CLSTN1: variants seen among roughly 807,000 people sequenced by gnomAD.
CLSTN1 encodes the protein calsyntenin-1.
CLSTN1 carries 28 observed loss-of-function variants against 108.3 expected under a neutral mutation model. That is an observed-to-expected ratio of 0.26 (90% confidence interval 0.19 to 0.35). The LOEUF is 0.35. Ranked by LOEUF, CLSTN1 falls within the 10% of genes least tolerant of loss-of-function variation. CLSTN1 has a pLI of 1.00. For missense variants in CLSTN1, 1,157 were observed against 1,302.6 expected (o/e 0.89, Z 1.72); for synonymous variants, 524 against 534.9 (o/e 0.98, Z 0.28).
intron 1 of CLSTN1, among the ~76,000 whole-genome samples, chr1:9,801,788 T>C (rs1265394743): frequency 6.6e-6 from 1 of 152,120 alleles, no homozygotes; most frequent in Non-Finnish European, 1.5e-5. Context: ...ACTCCGGAGC[T>C]CAGGTGATCC....
intron 7 of CLSTN1, among the ~76,000 whole-genome samples, chr1:9,745,765 GTT>G (rs778360021): frequency 1.2e-3 from 124 of 100,928 alleles, no homozygotes; most frequent in African/African-American, 4.4e-3. Flanking sequence ...CTGAATAGTT[GTT>G]TTTTTTTTTT....
intron 1 of CLSTN1, among the ~76,000 whole-genome samples, chr1:9,805,429 T>C (rs1654463407): frequency 6.6e-6 from 1 of 152,192 alleles, no homozygotes; most frequent in African/African-American, 2.4e-5. Flanking sequence ...GTTTTCTTCA[T>C]CTACTTCAAA....
At chr1:9,787,146 G>A (rs1274427167) in intron 1 of CLSTN1, among the ~76,000 whole-genome samples, 1 of 150,342 alleles carries the variant, frequency 6.7e-6, no homozygotes, top group East Asian at 2.0e-4. Flanking sequence ...CTAGAACTGA[G>A]AGCTAAGGAG....
chr1:9,789,951 C>G (rs1331954757), intron 1 of CLSTN1, among the ~76,000 whole-genome samples: 1 of 151,360 alleles, frequency 6.6e-6, no homozygotes, highest in Non-Finnish European at 1.5e-5. Flanking sequence ...TGCACTCCAG[C>G]CTGGGCAACA....
chr1:9,810,084 G>A (rs1445668072), intron 1 of CLSTN1, among the ~76,000 whole-genome samples: 8 of 14,970 alleles, frequency 5.3e-4, no homozygotes, highest in African/African-American at 1.5e-3. Flanking sequence ...GAGAGAGAGA[G>A]AAAGGAAGGA....
At chr1:9,765,260 T>C (rs972718349) in intron 2 of CLSTN1, among the ~76,000 whole-genome samples, 3 of 152,040 alleles carry the variant, frequency 2.0e-5, no homozygotes, top group South Asian at 4.2e-4. Context: ...GGCGGGCGCC[T>C]GCAATCCCAG....
At chr1:9,769,130 T>C (rs1199174455) in intron 2 of CLSTN1, among the ~76,000 whole-genome samples, 1 of 85,412 alleles carries the variant, frequency 1.2e-5, no homozygotes, top group African/African-American at 4.8e-5. Flanking sequence ...AGGAAGGAAA[T>C]GAGAGGGAGA....
In CLSTN1 at chr1:9,730,884, C is replaced by T. The variant is rs1650342366; in HGVS notation, c.2749-179G>A. Among the ~76,000 whole-genome samples the T allele has an allele frequency of 6.6e-6, 1 of 152,164 alleles. No homozygotes were observed. The highest frequency in any genetic ancestry group is 2.4e-5 in the African/African-American group (1 of 41,434). On this transcript the variant is annotated intron_variant, in intron 18 of 18. Transcript: ENST00000377298. This position sits in a 1 kb window ranked among gnomAD's most constrained non-coding sequence, Gnocchi z 5.6. ...TAGAAGTGAAGGGAAAACAAAGCTC[C>T]AGTCAGCACCCACGGAGTCACCCAC...
intron 11 of CLSTN1, among the ~76,000 whole-genome samples, chr1:9,737,185 C>T (rs553169853): frequency 3.7e-4 from 56 of 152,032 alleles, no homozygotes; most frequent in Middle Eastern, 3.2e-3. Flanking sequence ...AGTCACGAGG[C>T]GGCCTCCCAA....
intron 10 of CLSTN1, among the ~76,000 whole-genome samples, chr1:9,738,365 C>A (rs1650799945): frequency 6.6e-6 from 1 of 152,196 alleles, no homozygotes. Context: ...AGCCCTGCAG[C>A]CCTCCCCTCT....
chr1:9,749,701 G>A, intron 6 of CLSTN1, 55 bp from the exon 7 acceptor site: 2 of 1,611,242 alleles, frequency 1.2e-6, no homozygotes, highest in Non-Finnish European at 1.7e-6. Flanking sequence ...CACACTCTAG[G>A]TTGCTGCCGC....
At chr1:9,767,894 G>A (rs1652426685) in intron 2 of CLSTN1, among the ~76,000 whole-genome samples, 1 of 152,154 alleles carries the variant, frequency 6.6e-6, no homozygotes, top group Non-Finnish European at 1.5e-5. Flanking sequence ...AATAACAGCA[G>A]CGGCAAATAC....
In CLSTN1 at chr1:9,734,621, T is replaced by C. The variant is rs1228394217; in HGVS notation, c.2110+327A>G. 6.7e-6 allele frequency among the ~76,000 whole-genome samples: 1 copy of C among 149,214 alleles called. No homozygotes were observed. The highest frequency in any genetic ancestry group is 1.5e-5 in the Non-Finnish European group (1 of 67,480). On this transcript the variant is annotated intron_variant, in intron 14 of 18. Transcript: ENST00000377298. The surrounding 1 kb of genome is among the most constrained non-coding windows in gnomAD (Gnocchi z 4.8). Reference sequence around the variant, plus strand: ...GAGTTTCATGTGTCCTGAGCAAGAATTGTGGGGACATTGTGCCTCCATGGG... The same window carrying C: ...GAGTTTCATGTGTCCTGAGCAAGAACTGTGGGGACATTGTGCCTCCATGGG...
chr1:9,810,753 C>T (rs1172761810), intron 1 of CLSTN1, among the ~76,000 whole-genome samples: 3 of 151,712 alleles, frequency 2.0e-5, no homozygotes, highest in Admixed American at 6.6e-5. Flanking sequence ...CCAGCCTGGG[C>T]GACACAGTGA....
intron 1 of CLSTN1, among the ~76,000 whole-genome samples, chr1:9,788,883 A>AC (rs974571608): frequency 4.0e-5 from 6 of 151,338 alleles, no homozygotes; most frequent in Middle Eastern, 3.4e-3. Flanking sequence ...AAAAAAAAAA[A>AC]AAAAACAAAA....
chr1:9,824,125 C>T (rs1655316305), upstream of CLSTN1: 1 of 145,494 alleles, frequency 6.9e-6, no homozygotes, highest in African/African-American at 2.5e-5. The surrounding 1 kb of genome is among the most constrained non-coding windows in gnomAD (Gnocchi z 5.0). Flanking sequence ...AGGGAGCGCG[C>T]GCGGCGGACC....
chr1:9,730,679 C>G lies in CLSTN1; in HGVS notation c.2775G>C (p.Glu925Asp). 6.2e-7 allele frequency: 1 copy of G among 1,608,490 alleles called. No homozygotes were observed. The highest frequency in any genetic ancestry group is 8.5e-7 in the Non-Finnish European group (1 of 1,179,318). ...CTTCCTCTTCCTCTTCCTCCTCCTC[C>G]TCACTGCTGTGCTGGTCCTCATAGG... ...METYEDQHSSEEEEEEEEEEE... is the reference protein window; with the variant it reads ...METYEDQHSSDEEEEEEEEEE... Residue 925 changes from glutamate (E) to aspartate (D), a missense_variant, in exon 19 of 19, where the codon GAG (glutamate) becomes GAC (aspartate). Glu to Asp is a conservative substitution (Grantham distance 45). Transcript: ENST00000377298. The surrounding 1 kb of genome is among the most constrained non-coding windows in gnomAD (Gnocchi z 5.6).
At chr1:9,784,521 C>A (rs535341520) in intron 1 of CLSTN1, among the ~76,000 whole-genome samples, 101 of 152,256 alleles carry the variant, frequency 6.6e-4, no homozygotes, top group African/African-American at 2.3e-3. Context: ...AAAAGAAACC[C>A]ACTGTTTCAA....
intron 1 of CLSTN1, among the ~76,000 whole-genome samples, chr1:9,802,994 T>C (rs1192902763): frequency 6.6e-6 from 1 of 152,006 alleles, no homozygotes; most frequent in Non-Finnish European, 1.5e-5. Flanking sequence ...TTAGGTAATT[T>C]TTTATTTTTT....
Sources: allele counts gnomAD v4.1 joint callset (sites outside exome capture counted in the v4.1 genomes callset), GRCh38; gene constraint gnomAD v4.1.1; non-coding constraint Gnocchi (gnomAD v3.1); transcripts MANE v1.5; gene names NCBI Gene and HGNC (gene_info 2026-07-23, HGNC 2026-07-21).